The following ITPRID2 variants were observed in gnomAD, a reference collection of about 807,000 sequenced individuals.
The protein encoded by ITPRID2 is ITPR interacting domain containing 2.
In ITPRID2, 60 loss-of-function variants were observed where a neutral mutation model predicts 124.3. The observed-to-expected ratio is 0.48, with a 90% CI of 0.39 to 0.60. The LOEUF is 0.60. Among genes scored for constraint, ITPRID2 ranks in the 20% least tolerant of loss-of-function variants. The pLI is 0.00. For synonymous variants in ITPRID2, 521 were observed against 542.9 expected (o/e 0.96, Z 0.56); for missense variants, 1,553 against 1,512.2 (o/e 1.03, Z -0.45).
chr2:181,929,695 C>A lies in ITPRID2; in HGVS notation c.*148C>A. On this transcript the variant is annotated 3_prime_UTR_variant, in exon 18 of 18. Coordinates refer to ENST00000431877, the MANE Select transcript of ITPRID2 (RefSeq NM_001130445.3). ...ATACAGTGTACAATGTGTATTTCTT[C>A]AACCATATATTTTAAAAAGACGTAC... 1 of 1,398,196 alleles carries A rather than the reference C, an allele frequency of 7.2e-7. No individual in the cohort carries two copies. Among genetic ancestry groups the A allele is most frequent in the South Asian group, 1.4e-5 (1 of 72,600 alleles). 86.6% of individuals were successfully genotyped at this position (1,398,196 alleles called of 1,614,324 possible).
intron 11 of ITPRID2, chr2:181,917,145 A>T (rs1215866665): frequency 3.6e-6 from 1 of 277,602 alleles, no homozygotes; most frequent in Non-Finnish European, 5.5e-6. Context: ...TGCCTTTTAC[A>T]TTTTCTTGAA....
chr2:181,901,168 A>AT (rs1374950188), intron 7 of ITPRID2, among the ~76,000 whole-genome samples: 1 of 152,090 alleles, frequency 6.6e-6, no homozygotes, highest in Non-Finnish European at 1.5e-5. Flanking sequence ...TTGTCTACAG[A>AT]TTGCTTTTAT....
chr2:181,928,203 A>G lies in ITPRID2; in HGVS notation c.3718A>G (p.Ser1240Gly). The change falls in exon 17 of 18, where the codon AGT becomes GGT. Residue 1240 changes from serine (S) to glycine (G), a missense_variant. Transcript: ENST00000431877. ...IVGEIRREIV[S>G]GLLAAVSSSK... ...TGGGGAAATCAGACGGGAAATTGTA[A>G]GTGGACTTTTGGCAGCAGTATCTTC... 5.8e-6 allele frequency: 9 copies of G among 1,550,844 alleles called. No homozygotes were observed. The highest frequency in any genetic ancestry group is 3.9e-5 in the Admixed American group (2 of 50,798).
chr2:181,900,859 C>T lies in ITPRID2; in HGVS notation c.667C>T (p.Gln223Ter). 6.2e-7 allele frequency: 1 copy of T among 1,612,504 alleles called. No individual in the cohort carries two copies. Among genetic ancestry groups the T allele is most frequent in the Non-Finnish European group, 8.5e-7 (1 of 1,179,412 alleles). Residue 223 changes from glutamine to a stop codon, truncating the protein, a stop_gained, in exon 7 of 18, where the codon CAG (glutamine) becomes TAG (stop). Transcript: ENST00000431877. LOFTEE classifies it high-confidence loss of function. Reference protein sequence around the residue: ...GIDIKVFLSAQMQRMEVENPN... With the variant: ...GIDIKVFLSA ...AGATATTAAAGTATTTTTGAGTGCT[C>T]AGATGCAACGGATGGAAGTAGAAAA...
chr2:181,897,519 T>G (rs895839898), intron 4 of ITPRID2, among the ~76,000 whole-genome samples: 1 of 152,012 alleles, frequency 6.6e-6, no homozygotes, highest in Admixed American at 6.5e-5. Context: ...TGTGTTGTGC[T>G]ATTTAAAAGT....
At chr2:181,895,939 T>C in intron 2 of ITPRID2, 91 bp from the exon 3 acceptor site, 1 of 1,021,744 alleles carries the variant, frequency 9.8e-7, no homozygotes. Context: ...AGAAGCTTAT[T>C]GAGCTGTAAC....
intron 8 of ITPRID2, among the ~76,000 whole-genome samples, chr2:181,906,872 C>T (rs1368286633): frequency 6.6e-6 from 1 of 152,074 alleles, no homozygotes; most frequent in Middle Eastern, 3.2e-3. Context: ...TGGTGAAGGT[C>T]AGATATGTTG....
At position 181,906,754 on chromosome 2, in the gene ITPRID2, A is replaced by AAAG. The variant is rs201962280; in HGVS notation, c.1414-3143_1414-3142insGAA. 8.0e-3 allele frequency among the ~76,000 whole-genome samples: 1,094 copies of AAAG among 136,626 alleles called. 9 individuals are homozygous for AAAG. Among genetic ancestry groups the AAAG allele is most frequent in the African/African-American group, 0.031 (1,040 of 33,842 alleles). 89.6% of individuals were successfully genotyped at this position (136,626 alleles called of 152,430 possible). ...ACCTTGTTTCAAAAAAATGAAATAA[A>AAAG]AAAAAAAAATACGGATATTTATCGC... On this transcript the variant is annotated intron_variant, in intron 8 of 17. Transcript: ENST00000431877.
chr2:181,894,919 T>C (rs891795585), intron 2 of ITPRID2, among the ~76,000 whole-genome samples: 1 of 152,102 alleles, frequency 6.6e-6, no homozygotes, highest in Non-Finnish European at 1.5e-5. Context: ...ATACAATGTT[T>C]ACATCCAAGA....
At chr2:181,913,739 C>A in intron 9 of ITPRID2, 106 bp from the exon 10 acceptor site, 1 of 712,036 alleles carries the variant, frequency 1.4e-6, no homozygotes, top group Non-Finnish European at 2.2e-6. Flanking sequence ...CTTATATCTG[C>A]TGGGAATCAT....
chr2:181,918,443 T>C (rs1694241952), intron 11 of ITPRID2, 155 bp from the exon 12 acceptor site: 1 of 1,449,500 alleles, frequency 6.9e-7, no homozygotes, highest in Non-Finnish European at 9.0e-7. Flanking sequence ...TGGGAACTGA[T>C]TTCTTTTTTC....
intron 15 of ITPRID2, among the ~76,000 whole-genome samples, chr2:181,921,727 A>G (rs538771483): frequency 4.6e-5 from 7 of 152,116 alleles, no homozygotes; most frequent in Non-Finnish European, 5.9e-5. Context: ...TCATCCTACT[A>G]TGTATTCTGT....
chr2:181,916,549 TA>T (rs1694069567), intron 11 of ITPRID2, 122 bp downstream of exon 11: 3 of 1,246,538 alleles, frequency 2.4e-6, no homozygotes, highest in Non-Finnish European at 3.3e-6. Flanking sequence ...CTGACATGTC[TA>T]AACTTAATCT....
At chr2:181,900,051 A>G (rs371695393) in intron 6 of ITPRID2, among the ~76,000 whole-genome samples, 3 of 152,198 alleles carry the variant, frequency 2.0e-5, no homozygotes, top group African/African-American at 7.2e-5. Context: ...GAAAGCTTGG[A>G]TTATCACTGG....
chr2:181,918,207 CT>C (rs1291686692), intron 11 of ITPRID2: 1 of 692,506 alleles, frequency 1.4e-6, no homozygotes, highest in Non-Finnish European at 1.8e-6. Flanking sequence ...GCTAAGATGT[CT>C]GAGAAAGACG....
chr2:181,915,775 G>A lies in ITPRID2; in HGVS notation c.2135G>A (p.Arg712His), dbSNP rs141071333. The A allele has an allele frequency of 3.9e-5, 63 of 1,614,012 alleles. 1 individual carries two copies. The highest frequency in any genetic ancestry group is 1.6e-4 in the Middle Eastern group (1 of 6,084). Residue 712 changes from arginine to histidine, a missense_variant, in exon 11 of 18, where the codon CGT (arginine) becomes CAT (histidine). Physicochemically the swap from Arg to His is conservative, Grantham distance 29. Coordinates refer to ENST00000431877, the MANE Select transcript of ITPRID2 (RefSeq NM_001130445.3). ...AGTCTGTCTAATCAAAGGATGGGGC[G>A]TAGCCTGCTAAAATCAAAAGATTTG... ...VCSLSNQRMGRSLLKSKDLLK... is the reference protein window; with the variant it reads ...VCSLSNQRMGHSLLKSKDLLK...
rs1260723252 is a variant in ITPRID2, at chr2:181,929,552, T to A, written c.*14-9T>A. 6 of 1,601,554 alleles carry A rather than the reference T, an allele frequency of 3.7e-6. No individual in the cohort carries two copies. The highest frequency in any genetic ancestry group is 5.1e-6 in the Non-Finnish European group (6 of 1,171,666). ...AGGTTTAAAACTGACTTCTCTTTTC[T>A]TTTTTAAGGTTGGCATGGATCCTAT... is the stretch of plus-strand genomic sequence containing the variant. On this transcript the variant is annotated splice_polypyrimidine_tract_variant and intron_variant, in intron 17 of 17. Transcript: ENST00000431877.
In ITPRID2 at chr2:181,905,225, A is replaced by G. The variant is rs191517559; in HGVS notation, c.1413+2759A>G. 6.6e-6 allele frequency among the ~76,000 whole-genome samples: 1 copy of G among 151,666 alleles called. No individual in the cohort carries two copies. The highest frequency in any genetic ancestry group is 1.9e-4 in the East Asian group (1 of 5,150). ...CCACCACAGCCAGCTAATTTTTTGT[A>G]TTTTTAGTAGAGATGGGGTTTCACT... On this transcript the variant is annotated intron_variant, in intron 8 of 17. Transcript: ENST00000431877. The surrounding 1 kb of genome is among the most constrained non-coding windows in gnomAD (Gnocchi z 4.1).
In ITPRID2 at chr2:181,910,561, CT is replaced by C; in HGVS notation, c.1486+593del. ...AACAACAACAACAAAAATGTGTGAT[CT>C]TTGGATTTACAAAACTTTTGAGCTT... On this transcript the variant is annotated intron_variant, in intron 9 of 17. Coordinates refer to ENST00000431877, the MANE Select transcript of ITPRID2 (RefSeq NM_001130445.3). The surrounding 1 kb of genome is among the most constrained non-coding windows in gnomAD (Gnocchi z 4.1). The C allele has an allele frequency of 1.5e-6, 1 of 686,790 alleles. No individual in the cohort carries two copies. The highest frequency in any genetic ancestry group is 1.6e-5 in the South Asian group (1 of 60,896). 42.5% of individuals were successfully genotyped at this position (686,790 alleles called of 1,614,324 possible).
Sources: gnomAD v4.1 joint callset for allele counts (sites outside exome capture counted in the v4.1 genomes callset) on GRCh38, gnomAD v4.1.1 for gene constraint, Gnocchi (gnomAD v3.1) non-coding constraint, MANE v1.5 for transcripts, NCBI Gene and HGNC (gene_info 2026-07-23, HGNC 2026-07-21) for gene names.